RNGTT: variants seen among roughly 807,000 people sequenced by gnomAD.
RNGTT encodes mRNA-capping enzyme.
A neutral mutation model predicts 79.3 loss-of-function variants in RNGTT; 33 were observed. The ratio of observed to expected loss-of-function variants is 0.42; its 90% confidence interval spans 0.32 to 0.56. The LOEUF (loss-of-function observed/expected upper bound fraction) is 0.56, where lower values mean the gene tolerates loss of function less well. RNGTT is among the 20% of genes least tolerant of loss of function. The probability of loss-of-function intolerance (pLI) is 0.17; values close to 1 mark genes in which losing one functional copy is unlikely to be tolerated. For missense variants in RNGTT, 497 were observed against 739.1 expected, an observed-to-expected ratio of 0.67 and a Z score of 3.80; for synonymous variants, 222 against 235.9, an observed-to-expected ratio of 0.94 and a Z score of 0.54.
At chr6:88,760,725 TG>T (rs1778188173) in intron 13 of RNGTT, among the ~76,000 whole-genome samples, 1 of 151,994 alleles carries the variant, frequency 6.6e-6, no homozygotes, top group Non-Finnish European at 1.5e-5. Flanking sequence ...AACAGAAAAA[TG>T]CTGCTCAGCA....
chr6:88,648,150 G>T (rs1222695236), intron 14 of RNGTT, among the ~76,000 whole-genome samples: 1 of 152,114 alleles, frequency 6.6e-6, no homozygotes, highest in African/African-American at 2.4e-5. Flanking sequence ...ATGTGAAGAA[G>T]ATATAAAAAT....
intron 3 of RNGTT, 26 bp downstream of exon 3, chr6:88,929,138 T>C (rs904573485): frequency 4.9e-5 from 77 of 1,574,492 alleles, no homozygotes; most frequent in Middle Eastern, 1.7e-4. Flanking sequence ...GGTTTCAATA[T>C]TAAAGAATCT....
chr6:88,890,251 T>C (rs962072243), intron 8 of RNGTT, among the ~76,000 whole-genome samples: 1 of 152,270 alleles, frequency 6.6e-6, no homozygotes, highest in Admixed American at 6.5e-5. Flanking sequence ...AAACTTAACA[T>C]CTAGTTATAG....
At position 88,625,162 on chromosome 6, in the gene RNGTT, G is replaced by C. The variant is rs751644658; in HGVS notation, c.1507-10767C>G. On this transcript the variant is annotated intron_variant, in intron 14 of 15. Coordinates refer to ENST00000369485, the MANE Select transcript of RNGTT (RefSeq NM_003800.5). ...AATTGTATAACCATGTTGGAAAACA[G>C]TTTGGCAGTTTCTTTATAAAGTCAA... Among the ~76,000 whole-genome samples the C allele has an allele frequency of 3.4e-4, 52 of 151,878 alleles. 1 individual carries two copies. The highest frequency in any genetic ancestry group is 8.8e-5 in the Non-Finnish European group (6 of 67,854).
chr6:88,637,192 G>A (rs1773131284), intron 14 of RNGTT, among the ~76,000 whole-genome samples: 1 of 151,890 alleles, frequency 6.6e-6, no homozygotes, highest in African/African-American at 2.4e-5. Context: ...AAAGTATGAT[G>A]ATATATCACA....
intron 13 of RNGTT, among the ~76,000 whole-genome samples, chr6:88,715,674 C>T (rs377421893): frequency 2.4e-3 from 365 of 152,222 alleles, no homozygotes; most frequent in African/African-American, 8.1e-3. Context: ...TATCTACAAC[C>T]ATCTGATCTT....
chr6:88,688,757 C>A (rs1456517989), intron 13 of RNGTT, among the ~76,000 whole-genome samples: 1 of 152,142 alleles, frequency 6.6e-6, no homozygotes, highest in Non-Finnish European at 1.5e-5. Flanking sequence ...GTTTGAACCA[C>A]GTAGGTCCAC....
intron 11 of RNGTT, among the ~76,000 whole-genome samples, chr6:88,840,433 G>A (rs1485393737): frequency 1.3e-5 from 2 of 152,100 alleles, no homozygotes; most frequent in South Asian, 2.1e-4. Context: ...GTCCCACTCC[G>A]CCACCCAGGC....
chr6:88,791,321 T>C (rs1779401131), intron 12 of RNGTT, among the ~76,000 whole-genome samples: 12 of 151,864 alleles, frequency 7.9e-5, no homozygotes, highest in Admixed American at 7.2e-4. Flanking sequence ...TCATTCTTTA[T>C]AGAGATGGGG....
chr6:88,880,287 T>A (rs13220848), intron 8 of RNGTT, among the ~76,000 whole-genome samples: 18,712 of 152,214 alleles, frequency 0.12, 1,268 homozygotes, highest in Middle Eastern at 0.22. Context: ...AACCTGTCTA[T>A]AATTTCCTTC....
intron 8 of RNGTT, among the ~76,000 whole-genome samples, chr6:88,857,526 A>G (rs1407424009): frequency 1.3e-5 from 2 of 152,194 alleles, no homozygotes; most frequent in Admixed American, 1.3e-4. Flanking sequence ...ATAATATTTT[A>G]TAACAGTGAA....
At chr6:88,775,644 A>C (rs1039254958) in intron 12 of RNGTT, among the ~76,000 whole-genome samples, 3 of 152,176 alleles carry the variant, frequency 2.0e-5, no homozygotes, top group African/African-American at 7.2e-5. Context: ...CTATAATCAA[A>C]AGTTGTTATT....
At chr6:88,644,422 TACAAGGA>T (rs1431989617) in intron 14 of RNGTT, among the ~76,000 whole-genome samples, 1 of 151,878 alleles carries the variant, frequency 6.6e-6, no homozygotes, top group East Asian at 1.9e-4. Context: ...CTACCAGAGG[TACAAGGA>T]GGAGCTGGTA....
chr6:88,816,668 GA>G (rs1362086137), intron 11 of RNGTT, among the ~76,000 whole-genome samples: 1 of 152,050 alleles, frequency 6.6e-6, no homozygotes, highest in Non-Finnish European at 1.5e-5. Flanking sequence ...TCAAGTATAT[GA>G]AACTATGAGT....
intron 13 of RNGTT, among the ~76,000 whole-genome samples, chr6:88,701,209 G>A (rs1775934320): frequency 6.6e-6 from 1 of 152,086 alleles, no homozygotes; most frequent in African/African-American, 2.4e-5. Flanking sequence ...TAGCAAAGAT[G>A]AGTAACATGA....
At chr6:88,836,058 TAA>T (rs1781068972) in intron 11 of RNGTT, among the ~76,000 whole-genome samples, 1 of 142,788 alleles carries the variant, frequency 7.0e-6, no homozygotes, top group Non-Finnish European at 1.5e-5. Flanking sequence ...TATATATATA[TAA>T]GATTTACATG....
At chr6:88,619,314 C>T (rs1041691240) in intron 14 of RNGTT, among the ~76,000 whole-genome samples, 7 of 152,196 alleles carry the variant, frequency 4.6e-5, no homozygotes, top group Non-Finnish European at 8.8e-5. Context: ...CACAGTTGTG[C>T]ACTACCACAC....
At chr6:88,963,216 C>G (rs1785703360) in intron 1 of RNGTT, 130 bp downstream of exon 1, 8 of 863,644 alleles carry the variant, frequency 9.3e-6, no homozygotes, top group African/African-American at 1.8e-5. Flanking sequence ...GAAGCGTAAT[C>G]CGACGGAGCA....
chr6:88,935,569 A>C (rs1236157420), intron 2 of RNGTT, among the ~76,000 whole-genome samples: 1 of 152,164 alleles, frequency 6.6e-6, no homozygotes, highest in Non-Finnish European at 1.5e-5. Context: ...TTTTTTAATA[A>C]AATTAAAAAG....
Sources: gnomAD v4.1 joint callset for allele counts (sites outside exome capture counted in the v4.1 genomes callset) on GRCh38, gnomAD v4.1.1 for gene constraint, MANE v1.5 for transcripts, NCBI Gene and HGNC (gene_info 2026-07-23, HGNC 2026-07-21) for gene names.